The following MAGI3 variants were observed in gnomAD, a reference collection of about 807,000 sequenced individuals.
MAGI3 encodes the protein membrane associated guanylate kinase, WW and PDZ domain containing 3, also known as membrane-associated guanylate kinase, WW and PDZ domain-containing protein 3.
In MAGI3, 43 loss-of-function variants were observed where a neutral mutation model predicts 121.8. That is an observed-to-expected ratio of 0.35 (90% CI 0.28 to 0.46). The LOEUF (loss-of-function observed/expected upper bound fraction) is 0.46. Ranked by LOEUF, MAGI3 falls within the 20% of genes least tolerant of loss-of-function variation. MAGI3 has a pLI of 1.00. For missense variants in MAGI3, 1,547 were observed against 1,797.3 expected (o/e 0.86, Z 2.52); for synonymous variants, 553 against 639.3 (o/e 0.86, Z 2.04).
chr1:113,646,679 C>A, intron 12 of MAGI3, 37 bp downstream of exon 12: 1 of 1,481,624 alleles, frequency 6.7e-7, no homozygotes, highest in African/African-American at 1.4e-5. Context: ...GAGCATATAA[C>A]AAGATAAATT....
intron 1 of MAGI3, among the ~76,000 whole-genome samples, chr1:113,461,119 G>A (rs896119822): frequency 3.9e-5 from 6 of 152,148 alleles, no homozygotes; most frequent in Admixed American, 2.6e-4. Flanking sequence ...CATGCTCATG[G>A]ATAGGAAGAC....
At position 113,412,512 on chromosome 1, in the gene MAGI3, A is replaced by C. The variant is rs569516045; in HGVS notation, c.316+21163A>C. On this transcript the variant is annotated intron_variant, in intron 1 of 20. Coordinates refer to ENST00000307546, the MANE Select transcript of MAGI3 (RefSeq NM_001142782.2). Reference sequence around the variant, plus strand: ...CAATAGTGTAAAAGTGTTCCTATTTATCCACATCCTCTCCAGCACCTGTTG... The same window carrying C: ...CAATAGTGTAAAAGTGTTCCTATTTCTCCACATCCTCTCCAGCACCTGTTG... Among the ~76,000 whole-genome samples the C allele has an allele frequency of 2.2e-3, 342 of 152,162 alleles. 1 individual carries two copies. Among genetic ancestry groups the C allele is most frequent in the Non-Finnish European group, 3.4e-3 (229 of 67,968 alleles).
intron 1 of MAGI3, among the ~76,000 whole-genome samples, chr1:113,457,684 T>C (rs1205089465): frequency 6.6e-6 from 1 of 152,032 alleles, no homozygotes; most frequent in African/African-American, 2.4e-5. Context: ...AGGGGATAGA[T>C]AGATAATAAG....
At chr1:113,606,402 T>A (rs1649776686) in intron 6 of MAGI3, among the ~76,000 whole-genome samples, 2 of 152,318 alleles carry the variant, frequency 1.3e-5, no homozygotes, top group African/African-American at 4.8e-5. Context: ...TGACTTTTTT[T>A]ATTGTGAACA....
At chr1:113,504,545 A>G (rs1365074985) in intron 1 of MAGI3, among the ~76,000 whole-genome samples, 1 of 152,242 alleles carries the variant, frequency 6.6e-6, no homozygotes, top group East Asian at 1.9e-4. Flanking sequence ...AAAGATTAAA[A>G]TAGTCAAAAC....
intron 2 of MAGI3, among the ~76,000 whole-genome samples, chr1:113,571,512 T>C (rs886685220): frequency 3.3e-5 from 5 of 152,242 alleles, no homozygotes; most frequent in African/African-American, 1.2e-4. Flanking sequence ...TATCGGTTTT[T>C]CCTATTCATG....
intron 9 of MAGI3, among the ~76,000 whole-genome samples, chr1:113,629,202 T>G (rs1336746450): frequency 6.6e-5 from 10 of 152,196 alleles, no homozygotes. Flanking sequence ...ATTCTGCTGT[T>G]AAGAGACTCT....
At chr1:113,645,084 G>A (rs1303338202) in intron 11 of MAGI3, among the ~76,000 whole-genome samples, 1 of 148,436 alleles carries the variant, frequency 6.7e-6, no homozygotes, top group Non-Finnish European at 1.5e-5. Context: ...GAATGCAGTG[G>A]TGTGATTTTG....
chr1:113,550,859 A>C (rs1659756829), intron 2 of MAGI3, among the ~76,000 whole-genome samples: 1 of 151,182 alleles, frequency 6.6e-6, no homozygotes, highest in African/African-American at 2.4e-5. Context: ...CTTATGCAGT[A>C]AGAAGACTTT....
At chr1:113,520,332 G>C (rs998524356) in intron 1 of MAGI3, among the ~76,000 whole-genome samples, 1 of 151,236 alleles carries the variant, frequency 6.6e-6, no homozygotes, top group Non-Finnish European at 1.5e-5. Flanking sequence ...GCCTATTTCT[G>C]TTCTAGATAC....
At chr1:113,633,410 T>C (rs1047577722) in intron 9 of MAGI3, among the ~76,000 whole-genome samples, 5 of 150,618 alleles carry the variant, frequency 3.3e-5, no homozygotes, top group African/African-American at 7.3e-5. Flanking sequence ...TACAGGCGCC[T>C]GCCACTACGC....
At chr1:113,472,204 GTTT>G (rs752606893) in intron 1 of MAGI3, among the ~76,000 whole-genome samples, 1 of 137,804 alleles carries the variant, frequency 7.3e-6, no homozygotes, top group African/African-American at 2.7e-5. Flanking sequence ...GATAGATCTT[GTTT>G]TTTTTTTTTT....
chr1:113,583,152 T>C (rs571692671), intron 3 of MAGI3, among the ~76,000 whole-genome samples: 8 of 151,332 alleles, frequency 5.3e-5, no homozygotes, highest in Non-Finnish European at 1.2e-4. Flanking sequence ...TATTTATTTT[T>C]ATTATTATTA....
chr1:113,592,511 GTGT>G (rs954146249), intron 5 of MAGI3, among the ~76,000 whole-genome samples: 14 of 151,958 alleles, frequency 9.2e-5, no homozygotes, highest in African/African-American at 3.4e-4. Flanking sequence ...AGGTATTTTC[GTGT>G]TGTTGTTGTT....
chr1:113,452,812 C>T (rs1654550530), intron 1 of MAGI3, among the ~76,000 whole-genome samples: 1 of 152,048 alleles, frequency 6.6e-6, no homozygotes, highest in African/African-American at 2.4e-5. Flanking sequence ...GAAAACATGA[C>T]AAAGGAAAAC....
At chr1:113,574,109 T>C (rs1418561910) in intron 2 of MAGI3, among the ~76,000 whole-genome samples, 1 of 152,188 alleles carries the variant, frequency 6.6e-6, no homozygotes, top group East Asian at 1.9e-4. Flanking sequence ...ATGGGTCTCC[T>C]GAATACAGCA....
At position 113,683,966 on chromosome 1, in the gene MAGI3, T is replaced by G; in HGVS notation, c.4398T>G (p.Ser1466Arg). ...CTCCAGGGCCCTGGAAGGTTCCAAGTGGAAATAAAGTCACAGGCACTATTG... is the reference window on the plus strand; with the variant it reads ...CTCCAGGGCCCTGGAAGGTTCCAAGGGGAAATAAAGTCACAGGCACTATTG... ...LITPGPWKVP[S>R]GNKVTGTIGM... The change falls in exon 21 of 21, where the codon AGT (serine) becomes AGG (arginine). Residue 1466 changes from serine (S) to arginine (R), a missense_variant. Transcript: ENST00000307546. 1 of 1,600,388 alleles carries G rather than the reference T, an allele frequency of 6.2e-7. No homozygotes were observed. The highest frequency in any genetic ancestry group is 8.5e-7 in the Non-Finnish European group (1 of 1,175,206).
chr1:113,426,793 C>T (rs913901368), intron 1 of MAGI3, among the ~76,000 whole-genome samples: 3 of 152,168 alleles, frequency 2.0e-5, no homozygotes, highest in Middle Eastern at 3.4e-3. Context: ...GGACCAAGTT[C>T]TTGTAGACAG....
intron 8 of MAGI3, 57 bp from the exon 9 acceptor site, chr1:113,622,749 G>A: frequency 7.5e-7 from 1 of 1,329,582 alleles, no homozygotes; most frequent in Non-Finnish European, 1.0e-6. Flanking sequence ...TTGACTCTGA[G>A]TGCTATATTC....
Sources: gnomAD v4.1 joint callset for allele counts (sites outside exome capture counted in the v4.1 genomes callset) on GRCh38, gnomAD v4.1.1 for gene constraint, MANE v1.5 for transcripts, NCBI Gene and HGNC (gene_info 2026-07-23, HGNC 2026-07-21) for gene names.